IST1: variants seen among roughly 807,000 people sequenced by gnomAD.
The protein encoded by IST1 is IST1 homolog.
A neutral mutation model predicts 37.0 loss-of-function variants in IST1; 23 were observed. The observed-to-expected ratio is 0.62, with a 90% CI of 0.45 to 0.88. The LOEUF is 0.88. Ranked by LOEUF, IST1 falls within the 40% of genes least tolerant of loss-of-function variation. The probability of loss-of-function intolerance (pLI) is 0.00; values close to 1 mark genes in which losing one functional copy is unlikely to be tolerated. For synonymous variants in IST1, 180 were observed against 161.7 expected (o/e 1.11, Z -0.86); for missense variants, 488 against 445.4 (o/e 1.10, Z -0.86).
At chr16:71,901,274 CA>C (rs2037102042) in intron 1 of IST1, among the ~76,000 whole-genome samples, 1 of 151,950 alleles carries the variant, frequency 6.6e-6, no homozygotes, top group Non-Finnish European at 1.5e-5. Context: ...AGTGCAGTAG[CA>C]CGATCTCGGC....
intron 1 of IST1, among the ~76,000 whole-genome samples, chr16:71,909,459 A>G (rs1456837844): frequency 6.6e-6 from 1 of 152,138 alleles, no homozygotes; most frequent in Non-Finnish European, 1.5e-5. Context: ...TTACTACCAC[A>G]AAATGCATAC....
chr16:71,923,427 T>C, intron 8 of IST1, 47 bp downstream of exon 8: 2 of 1,216,084 alleles, frequency 1.6e-6, no homozygotes, highest in Non-Finnish European at 2.4e-6. Flanking sequence ...GTGAATGCCA[T>C]GAAGAGCGAG....
At position 71,930,272 on chromosome 16, in the gene IST1, T is replaced by C. The variant is rs16973496; in HGVS notation, c.*2459T>C. The C allele has an allele frequency of 0.016, 21,161 of 1,320,156 alleles. 2,377 individuals are homozygous for C. In the African/African-American group the frequency reaches 0.26, roughly 16 times the overall value. The allele number at this position is 1,320,156 out of a possible 1,614,324, so 81.8% of individuals were successfully genotyped here. ...CTATATGCTAGTGTTTGGGATCTTA[T>C]CAGAAGAAAAGCTTATCCGAAGGAA... is the stretch of plus-strand genomic sequence containing the variant. On this transcript the variant is annotated 3_prime_UTR_variant, in exon 10 of 10. Transcript: ENST00000378799.
intron 1 of IST1, among the ~76,000 whole-genome samples, chr16:71,895,923 C>T (rs868320956): frequency 1.3e-5 from 2 of 152,208 alleles, no homozygotes; most frequent in Admixed American, 6.5e-5. Flanking sequence ...AACGCCGCGG[C>T]CTCGGCGAGG....
intron 2 of IST1, among the ~76,000 whole-genome samples, chr16:71,916,218 C>G (rs1290924911): frequency 6.6e-6 from 1 of 152,160 alleles, no homozygotes; most frequent in Non-Finnish European, 1.5e-5. Flanking sequence ...AAGGGACATA[C>G]TCTGTTGTTG....
chr16:71,906,435 G>A (rs2037225876), intron 1 of IST1, among the ~76,000 whole-genome samples: 1 of 151,804 alleles, frequency 6.6e-6, no homozygotes, highest in African/African-American at 2.4e-5. Flanking sequence ...AGCTTCCTGA[G>A]TAGCTAGGAT....
At position 71,906,483 on chromosome 16, in the gene IST1, A is replaced by AT. The variant is rs967828877; in HGVS notation, c.-15-9132dup. On this transcript the variant is annotated intron_variant, in intron 1 of 9. Transcript: ENST00000378799. ...CCACCACGCCCAGCTAATTTTTTGT[A>AT]TTTTTTTTTTTCGTAGAGACGGGGT... 2.0e-3 allele frequency among the ~76,000 whole-genome samples: 266 copies of AT among 134,028 alleles called. 1 individual carries two copies. The highest frequency in any genetic ancestry group is 5.5e-3 in the African/African-American group (199 of 36,194). 87.9% of individuals were successfully genotyped at this position (134,028 alleles called of 152,430 possible). A position where few individuals can be genotyped will look rare whatever the true frequency, so the allele number is the denominator to read the frequency against.
chr16:71,924,639 G>C, intron 8 of IST1, 130 bp from the exon 9 acceptor site: 1 of 716,410 alleles, frequency 1.4e-6, no homozygotes, highest in Non-Finnish European at 2.5e-6. Flanking sequence ...AAATGCAGGG[G>C]CAGTTTCTTT....
rs534339904 is a variant in IST1, at chr16:71,929,739, T to TA, written c.*1933dup. The TA allele has an allele frequency of 4.0e-5, 56 of 1,393,118 alleles. 1 individual carries two copies. The Admixed American group carries it at 4.2e-4, about 10-fold the overall frequency. The allele number at this position is 1,393,118 out of a possible 1,614,324, so 86.3% of individuals were successfully genotyped here. ...ATTGAAATTACTGCTAATAGTGGAG[T>TA]AAAAAAAGTACCAAAGATTTTTAAA... On this transcript the variant is annotated 3_prime_UTR_variant, in exon 10 of 10. Coordinates refer to ENST00000378799, the MANE Select transcript of IST1 (RefSeq NM_001270975.2).
At position 71,930,269 on chromosome 16, in the gene IST1, T is replaced by C. The variant is rs2037892771; in HGVS notation, c.*2456T>C. 1 of 1,326,522 alleles carries C rather than the reference T, an allele frequency of 7.5e-7. No homozygotes were observed. Among genetic ancestry groups the C allele is most frequent in the Non-Finnish European group, 9.9e-7 (1 of 1,011,166 alleles). The allele number at this position is 1,326,522 out of a possible 1,614,324, so 82.2% of individuals were successfully genotyped here. A position where few individuals can be genotyped will look rare whatever the true frequency, so the allele number is the denominator to read the frequency against. On this transcript the variant is annotated 3_prime_UTR_variant, in exon 10 of 10. Coordinates refer to ENST00000378799, the MANE Select transcript of IST1 (RefSeq NM_001270975.2). ...AAGCTATATGCTAGTGTTTGGGATC[T>C]TATCAGAAGAAAAGCTTATCCGAAG... is the stretch of plus-strand genomic sequence containing the variant.
chr16:71,917,454 G>T (rs28470973), intron 4 of IST1, among the ~76,000 whole-genome samples: 8,259 of 152,206 alleles, frequency 0.054, 763 homozygotes, highest in African/African-American at 0.19. Flanking sequence ...TAAGGTGACA[G>T]ATGTTTTTGC....
intron 1 of IST1, among the ~76,000 whole-genome samples, chr16:71,911,188 C>T (rs941306030): frequency 2.6e-4 from 39 of 152,090 alleles, no homozygotes; most frequent in African/African-American, 2.4e-5. Context: ...TTGCAGTGAG[C>T]GGTGATTGCA....
At chr16:71,921,202 GAA>G (rs777062875) in intron 5 of IST1, 139 bp from the exon 6 acceptor site, 18 of 630,230 alleles carry the variant, frequency 2.9e-5, no homozygotes, top group Non-Finnish European at 4.0e-5. Flanking sequence ...TTGTGACTCT[GAA>G]AAAAATCATT....
intron 1 of IST1, among the ~76,000 whole-genome samples, chr16:71,910,450 T>TA (rs2037325653): frequency 6.6e-6 from 1 of 151,128 alleles, no homozygotes. Flanking sequence ...ACTAAAAATA[T>TA]AAAAAATTAG....
At chr16:71,902,821 A>G (rs569650461) in intron 1 of IST1, among the ~76,000 whole-genome samples, 31 of 152,176 alleles carry the variant, frequency 2.0e-4, no homozygotes, top group African/African-American at 7.5e-4. Context: ...TAGGTATGTC[A>G]GTTTTTAAAA....
chr16:71,908,183 C>A (rs2037269140), intron 1 of IST1, among the ~76,000 whole-genome samples: 1 of 152,082 alleles, frequency 6.6e-6, no homozygotes, highest in Non-Finnish European at 1.5e-5. Context: ...ACCTCACGAT[C>A]CACCCGCCTC....
intron 1 of IST1, among the ~76,000 whole-genome samples, chr16:71,912,482 C>T (rs2037379379): frequency 6.6e-6 from 1 of 151,848 alleles, no homozygotes; most frequent in South Asian, 2.1e-4. Flanking sequence ...CGTGATCTGC[C>T]CACCTCGGCC....
chr16:71,916,087 C>T (rs903347183), intron 2 of IST1, among the ~76,000 whole-genome samples: 2 of 152,192 alleles, frequency 1.3e-5, no homozygotes, highest in African/African-American at 4.8e-5. Context: ...CTGCCTCAGC[C>T]TCCCAAAGTG....
At chr16:71,918,421 T>C (rs984774350) in intron 4 of IST1, among the ~76,000 whole-genome samples, 10 of 149,576 alleles carry the variant, frequency 6.7e-5, no homozygotes, top group African/African-American at 2.4e-4. Flanking sequence ...TGTAGGCTTT[T>C]TTTTTTTTTT....
Sources: allele counts gnomAD v4.1 joint callset (sites outside exome capture counted in the v4.1 genomes callset), GRCh38; gene constraint gnomAD v4.1.1; transcripts MANE v1.5; gene names NCBI Gene and HGNC (gene_info 2026-07-23, HGNC 2026-07-21).